Variants in DMD observed in about 807,000 individuals in gnomAD.
The protein encoded by DMD is dystrophin.
In DMD, 63 loss-of-function variants were observed where a neutral mutation model predicts 330.1. The observed-to-expected ratio is 0.19, with a 90% CI of 0.16 to 0.24. The LOEUF is 0.24. Among genes scored for constraint, DMD ranks in the 10% least tolerant of loss-of-function variants. The pLI is 1.00. For missense variants in DMD, 3,344 were observed against 2,684.1 expected (o/e 1.25, Z -5.43); for synonymous variants, 1,223 against 959.8 (o/e 1.27, Z -5.07).
At chrX:33,141,382 T>G (rs918452007) in intron 1 of DMD, among the ~76,000 whole-genome samples, 48 of 111,317 alleles carry the variant, frequency 4.3e-4, no homozygotes, top group African/African-American at 1.6e-3. Context: ...AGCGGTACTC[T>G]CAGTGTGACC....
chrX:31,189,455 G>T (rs973932093), intron 67 of DMD, among the ~76,000 whole-genome samples: 19 of 111,010 alleles, frequency 1.7e-4, no homozygotes, highest in African/African-American at 6.2e-4. Context: ...CTGCATTTTC[G>T]ATACGCATTT....
At chrX:31,293,218 T>TCTGGTTTA (rs1569519891) in intron 62 of DMD, among the ~76,000 whole-genome samples, 7 of 95,908 alleles carry the variant, frequency 7.3e-5, no homozygotes, top group African/African-American at 3.1e-4. Context: ...TGTGTGTGTG[T>TCTGGTTTA]GTGTGTGTGT....
At chrX:32,800,414 A>T (rs755827865) in intron 7 of DMD, among the ~76,000 whole-genome samples, 1 of 111,596 alleles carries the variant, frequency 9.0e-6, no homozygotes, top group Admixed American at 9.6e-5. Context: ...CATCATTGAG[A>T]TTATCTCCTG....
chrX:31,193,865 G>A (rs2042629503), intron 67 of DMD, among the ~76,000 whole-genome samples: 1 of 111,267 alleles, frequency 9.0e-6, no homozygotes, highest in Non-Finnish European at 1.9e-5. Context: ...TTCTTCAAGA[G>A]AACTGGTCTG....
chrX:32,622,399 C>T (rs999486277), intron 11 of DMD, among the ~76,000 whole-genome samples: 5 of 111,713 alleles, frequency 4.5e-5, no homozygotes, highest in Non-Finnish European at 9.4e-5. Context: ...TTACTACAGG[C>T]CTTGACTAGA....
In DMD at chrX:31,531,745, TAGA is replaced by T. The variant is rs996696661; in HGVS notation, c.8218-24295_8218-24293del. On this transcript the variant is annotated intron_variant, in intron 55 of 78. Coordinates refer to ENST00000357033, the MANE Select transcript of DMD (RefSeq NM_004006.3). ...CTTTTGAAAAACTTTGAAAAAAATT[TAGA>T]AGAATGTATAACTAGAATAACGAAT... Among the ~76,000 whole-genome samples, 15 of 109,429 alleles carry T rather than the reference TAGA, an allele frequency of 1.4e-4. 1 individual carries two copies. The highest frequency in any genetic ancestry group is 4.3e-4 in the African/African-American group (13 of 29,897).
chrX:31,638,116 A>C (rs2079521759), intron 54 of DMD, among the ~76,000 whole-genome samples: 1 of 112,122 alleles, frequency 8.9e-6, no homozygotes, highest in East Asian at 2.8e-4. Flanking sequence ...AAAAAATGTT[A>C]TTTCAATACT....
At chrX:31,196,889 T>C (rs1218813659) in intron 67 of DMD, among the ~76,000 whole-genome samples, 1 of 93,976 alleles carries the variant, frequency 1.1e-5, no homozygotes, top group African/African-American at 4.0e-5. Context: ...ACCCGGGGAA[T>C]GCTGTCTAAC....
chrX:32,839,723 A>T (rs1436221327), intron 4 of DMD, among the ~76,000 whole-genome samples: 1 of 77,603 alleles, frequency 1.3e-5, no homozygotes, highest in Admixed American at 1.5e-4. Context: ...GAATTATAAG[A>T]TAATGCATTT....
chrX:33,018,757 G>C (rs1167364459), intron 2 of DMD, among the ~76,000 whole-genome samples: 1 of 111,480 alleles, frequency 9.0e-6, no homozygotes, highest in Non-Finnish European at 1.9e-5. Flanking sequence ...AATGATGCCA[G>C]TATATACAGC....
chrX:31,451,242 T>TTTCC (rs200559359), intron 59 of DMD, among the ~76,000 whole-genome samples: 178 of 94,917 alleles, frequency 1.9e-3, no homozygotes, highest in Non-Finnish European at 3.0e-3. Flanking sequence ...CTCTTTTTTC[T>TTTCC]TTCCTTCCTT....
At chrX:32,608,104 T>C (rs1433402613) in intron 12 of DMD, among the ~76,000 whole-genome samples, 1 of 110,369 alleles carries the variant, frequency 9.1e-6, no homozygotes, top group Non-Finnish European at 1.9e-5. Flanking sequence ...GTAATGTTAC[T>C]GAATCAATAC....
intron 1 of DMD, among the ~76,000 whole-genome samples, chrX:33,252,577 T>G (rs1217316583): frequency 9.2e-6 from 1 of 108,126 alleles, no homozygotes; most frequent in Admixed American, 9.9e-5. Flanking sequence ...TAGGAAGAAC[T>G]AGTCCTCCCT....
chrX:32,441,139 T>C, intron 28 of DMD, 41 bp downstream of exon 28: 1 of 1,186,685 alleles, frequency 8.4e-7, no homozygotes, highest in South Asian at 1.8e-5. Context: ...CTTTTAATAC[T>C]GCATATAAAT....
intron 67 of DMD, among the ~76,000 whole-genome samples, chrX:31,197,523 G>C (rs1351927643): frequency 8.9e-6 from 1 of 111,986 alleles, no homozygotes; most frequent in African/African-American, 3.2e-5. Flanking sequence ...TACAACAACT[G>C]TGCATAGATG....
At chrX:32,815,520 T>TAATATATACAC in intron 6 of DMD, among the ~76,000 whole-genome samples, 2 of 78,959 alleles carry the variant, frequency 2.5e-5, no homozygotes, top group African/African-American at 1.1e-4. Context: ...TATATATATA[T>TAATATATACAC]ACACACACAC....
chrX:32,070,216 A>C (rs1349246228), intron 44 of DMD, among the ~76,000 whole-genome samples: 1 of 111,423 alleles, frequency 9.0e-6, no homozygotes, highest in Non-Finnish European at 1.9e-5. Flanking sequence ...CAAACTGCTG[A>C]GGAAGGTGAA....
At chrX:33,128,456 T>C in intron 1 of DMD, 2 of 939,115 alleles carry the variant, frequency 2.1e-6, no homozygotes, top group Non-Finnish European at 2.7e-6. Context: ...CTCACAGCAA[T>C]GGTTTCTTCC....
At chrX:31,344,714 G>A (rs760725329) in intron 61 of DMD, among the ~76,000 whole-genome samples, 1 of 110,514 alleles carries the variant, frequency 9.0e-6, no homozygotes, top group African/African-American at 3.3e-5. Context: ...GCCAAGCGTG[G>A]TGGCGTATTC....
Sources: allele counts gnomAD v4.1 joint callset (sites outside exome capture counted in the v4.1 genomes callset), GRCh38; gene constraint gnomAD v4.1.1; transcripts MANE v1.5; gene names NCBI Gene and HGNC (gene_info 2026-07-23, HGNC 2026-07-21).